Variants in ATXN7L1 observed in about 807,000 individuals in gnomAD.
ATXN7L1 encodes the protein ataxin-7-like protein 1.
In ATXN7L1, 15 loss-of-function variants were observed where a neutral mutation model predicts 70.8. The observed-to-expected ratio is 0.21, with a 90% CI of 0.14 to 0.33. The LOEUF (loss-of-function observed/expected upper bound fraction) is 0.33. ATXN7L1 is among the 10% of genes least tolerant of loss of function. The pLI is 1.00. For missense variants in ATXN7L1, 975 were observed against 1,097.1 expected (o/e 0.89, Z 1.57); for synonymous variants, 440 against 445.1 (o/e 0.99, Z 0.14).
At chr7:105,870,432 TTAGAA>T (rs1354851173) in intron 2 of ATXN7L1, among the ~76,000 whole-genome samples, 1 of 152,206 alleles carries the variant, frequency 6.6e-6, no homozygotes, top group Non-Finnish European at 1.5e-5. Flanking sequence ...AAAATCCTAA[TTAGAA>T]TAAAGTTTTC....
intron 3 of ATXN7L1, among the ~76,000 whole-genome samples, chr7:105,699,925 A>C (rs973118033): frequency 6.6e-6 from 1 of 152,192 alleles, no homozygotes; most frequent in Non-Finnish European, 1.5e-5. Context: ...GAACTTGGAA[A>C]TCAGACCATC....
intron 7 of ATXN7L1, among the ~76,000 whole-genome samples, chr7:105,632,311 G>T (rs1416374704): frequency 5.9e-5 from 9 of 152,182 alleles, no homozygotes; most frequent in Non-Finnish European, 8.8e-5. Context: ...ATAGTATCTT[G>T]TGGTAAACAA....
intron 2 of ATXN7L1, among the ~76,000 whole-genome samples, chr7:105,803,590 A>G (rs17152151): frequency 0.039 from 5,869 of 152,282 alleles, 388 homozygotes; most frequent in African/African-American, 0.13. Flanking sequence ...TAATGGGTCC[A>G]TACCTAACTG....
intron 3 of ATXN7L1, among the ~76,000 whole-genome samples, chr7:105,724,202 G>C (rs929647314): frequency 1.3e-5 from 2 of 152,146 alleles, no homozygotes; most frequent in Admixed American, 1.3e-4. Context: ...AGAGCCTCTT[G>C]GAATTATTTC....
intron 4 of ATXN7L1, among the ~76,000 whole-genome samples, chr7:105,646,486 C>T (rs189260065): frequency 5.3e-5 from 8 of 152,150 alleles, no homozygotes; most frequent in East Asian, 3.9e-4. Flanking sequence ...GGCACAATCT[C>T]GGCTCACTGC....
intron 3 of ATXN7L1, among the ~76,000 whole-genome samples, chr7:105,743,714 C>T (rs28412203): frequency 0.091 from 13,820 of 152,258 alleles, 646 homozygotes; most frequent in Non-Finnish European, 0.1. Flanking sequence ...ATGCCAAATG[C>T]GGCACAGCTT....
At chr7:105,849,275 A>C (rs977089673) in intron 2 of ATXN7L1, among the ~76,000 whole-genome samples, 1 of 152,196 alleles carries the variant, frequency 6.6e-6, no homozygotes, top group East Asian at 1.9e-4. Context: ...CTCCTTGACA[A>C]CACCACAACT....
intron 2 of ATXN7L1, among the ~76,000 whole-genome samples, chr7:105,827,444 C>A (rs1811024482): frequency 6.6e-6 from 1 of 152,158 alleles, no homozygotes; most frequent in African/African-American, 2.4e-5. Context: ...AGAGACCATT[C>A]TAAGAGCTTT....
chr7:105,733,932 TCATCCATCCATCCATC>T (rs76828507), intron 3 of ATXN7L1, among the ~76,000 whole-genome samples: 90 of 96,732 alleles, frequency 9.3e-4, no homozygotes, highest in Non-Finnish European at 1.4e-3. Context: ...CCATCATCCA[TCATCCATCCATCCATC>T]CATCCATCCA....
intron 2 of ATXN7L1, among the ~76,000 whole-genome samples, chr7:105,789,788 T>C (rs1804863005): frequency 6.6e-6 from 1 of 151,830 alleles, no homozygotes; most frequent in Non-Finnish European, 1.5e-5. Flanking sequence ...AGCAAAGAAG[T>C]GACGGGATCA....
intron 2 of ATXN7L1, among the ~76,000 whole-genome samples, chr7:105,867,781 C>T (rs1197460856): frequency 6.6e-6 from 1 of 152,230 alleles, no homozygotes; most frequent in African/African-American, 2.4e-5. Flanking sequence ...GCCTCACCAG[C>T]CAGTGATTCT....
intron 3 of ATXN7L1, among the ~76,000 whole-genome samples, chr7:105,751,953 T>C (rs1198352133): frequency 3.3e-5 from 5 of 152,202 alleles, no homozygotes; most frequent in Non-Finnish European, 7.3e-5. Flanking sequence ...AAACCACCCA[T>C]ATCAGCTCTC....
At chr7:105,638,641 C>G (rs1439375924) in intron 6 of ATXN7L1, 32 bp from the exon 7 acceptor site, 1 of 1,532,124 alleles carries the variant, frequency 6.5e-7, no homozygotes, top group Admixed American at 2.0e-5. Context: ...AGCACAGCCT[C>G]TTTGATCAGC....
At chr7:105,686,211 C>T (rs989383727) in intron 3 of ATXN7L1, among the ~76,000 whole-genome samples, 2 of 152,002 alleles carry the variant, frequency 1.3e-5, no homozygotes, top group Non-Finnish European at 2.9e-5. Flanking sequence ...TTGAAAATAT[C>T]GTAAGTCAAA....
At chr7:105,715,793 G>A (rs1342707463) in intron 3 of ATXN7L1, among the ~76,000 whole-genome samples, 4 of 152,166 alleles carry the variant, frequency 2.6e-5, no homozygotes, top group Admixed American at 2.6e-4. Flanking sequence ...AATGACAGTG[G>A]TGGTGAAAAA....
chr7:105,723,085 G>C (rs904354341), intron 3 of ATXN7L1, among the ~76,000 whole-genome samples: 1 of 152,086 alleles, frequency 6.6e-6, no homozygotes, highest in African/African-American at 2.4e-5. Flanking sequence ...AGGGAGTGTG[G>C]TTCTGGGTCT....
intron 2 of ATXN7L1, among the ~76,000 whole-genome samples, chr7:105,867,801 C>T (rs1436558026): frequency 6.6e-6 from 1 of 152,210 alleles, no homozygotes; most frequent in Non-Finnish European, 1.5e-5. Context: ...TCTATCAGAG[C>T]GATTTGTCCC....
At chr7:105,648,980 G>C (rs1260641047) in intron 4 of ATXN7L1, among the ~76,000 whole-genome samples, 2 of 152,188 alleles carry the variant, frequency 1.3e-5, no homozygotes, top group African/African-American at 4.8e-5. Flanking sequence ...AGCCTGATGG[G>C]TGACTCAGCA....
chr7:105,629,642 C>T (rs1009621305), intron 7 of ATXN7L1, among the ~76,000 whole-genome samples: 11 of 144,074 alleles, frequency 7.6e-5, no homozygotes, highest in African/African-American at 1.0e-4. Context: ...CAGCCTCCTG[C>T]GTAGCTGGGA....
Sources: gnomAD v4.1 joint callset for allele counts (sites outside exome capture counted in the v4.1 genomes callset) on GRCh38, gnomAD v4.1.1 for gene constraint, MANE v1.5 for transcripts, NCBI Gene and HGNC (gene_info 2026-07-23, HGNC 2026-07-21) for gene names.